Variants in STXBP5 observed in about 807,000 individuals in gnomAD.
STXBP5 encodes the protein syntaxin-binding protein 5.
STXBP5 carries 50 observed loss-of-function variants against 152.4 expected under a neutral mutation model. The ratio of observed to expected loss-of-function variants is 0.33; its 90% confidence interval spans 0.26 to 0.42. The LOEUF (loss-of-function observed/expected upper bound fraction) is 0.42. Among genes scored for constraint, STXBP5 ranks in the 10% least tolerant of loss-of-function variants. STXBP5 has a pLI of 1.00. For missense variants in STXBP5, 1,167 were observed against 1,388.6 expected, an observed-to-expected ratio of 0.84 and a Z score of 2.54; for synonymous variants, 492 against 494.7, an observed-to-expected ratio of 0.99 and a Z score of 0.07.
Position 147,262,320 on chromosome 6 carries a change from C to T in STXBP5, c.597C>T (p.Val199=). 1 of 1,555,268 alleles carries T rather than the reference C, an allele frequency of 6.4e-7. No individual in the cohort carries two copies. Among genetic ancestry groups the T allele is most frequent in the African/African-American group, 1.4e-5 (1 of 71,742 alleles). ...CTAAATCTCACCCAGGACCTGTGGT[C>T]CATATAAGTGATAATCCAATGGACG... ...LSSKSHPGPV[V]HISDNPMDEG... Residue 199 remains valine, a synonymous_variant, in exon 6 of 28, where the codon GTC becomes GTT. Coordinates refer to ENST00000321680, the MANE Select transcript of STXBP5 (RefSeq NM_001127715.4).
intron 4 of STXBP5, among the ~76,000 whole-genome samples, chr6:147,244,895 T>G (rs1778731610): frequency 2.0e-5 from 3 of 152,080 alleles, no homozygotes; most frequent in Non-Finnish European, 4.4e-5. Context: ...CTTTCAAAAT[T>G]ATCACTTTAT....
intron 2 of STXBP5, among the ~76,000 whole-genome samples, chr6:147,226,037 A>T (rs2115116134): frequency 6.6e-6 from 1 of 152,256 alleles, no homozygotes; most frequent in South Asian, 2.1e-4. Context: ...ACTGGAGCGG[A>T]CATGGTGGCT....
intron 26 of STXBP5, among the ~76,000 whole-genome samples, chr6:147,377,167 G>A (rs1174295849): frequency 3.3e-5 from 5 of 152,166 alleles, no homozygotes; most frequent in African/African-American, 1.2e-4. Context: ...TCACAGTGCA[G>A]TTATGCTTGT....
chr6:147,367,523 A>G (rs1446436510), intron 25 of STXBP5, among the ~76,000 whole-genome samples: 2 of 152,166 alleles, frequency 1.3e-5, no homozygotes, highest in African/African-American at 4.8e-5. Flanking sequence ...CTGTAGTCCC[A>G]GCTACTTGGG....
intron 23 of STXBP5, among the ~76,000 whole-genome samples, chr6:147,359,862 G>A (rs908381028): frequency 6.6e-6 from 1 of 151,810 alleles, no homozygotes; most frequent in Non-Finnish European, 1.5e-5. Flanking sequence ...GTCTATCATT[G>A]TTGGACATTT....
At chr6:147,266,519 C>T (rs1371195936) in intron 6 of STXBP5, among the ~76,000 whole-genome samples, 5 of 152,038 alleles carry the variant, frequency 3.3e-5, no homozygotes, top group South Asian at 4.2e-4. Flanking sequence ...GAATGAGCTC[C>T]GGGTTTCTAG....
intron 27 of STXBP5, among the ~76,000 whole-genome samples, chr6:147,384,164 G>A (rs1483691126): frequency 6.6e-6 from 1 of 152,132 alleles, no homozygotes; most frequent in Non-Finnish European, 1.5e-5. Flanking sequence ...ACAATCACAG[G>A]TTCTTGAATT....
At chr6:147,264,074 A>C (rs1779770101) in intron 6 of STXBP5, among the ~76,000 whole-genome samples, 1 of 151,086 alleles carries the variant, frequency 6.6e-6, no homozygotes, top group Non-Finnish European at 1.5e-5. Context: ...GGAGTAAATA[A>C]GTTATATATA....
At chr6:147,240,130 C>T (rs903503560) in intron 4 of STXBP5, among the ~76,000 whole-genome samples, 5 of 151,842 alleles carry the variant, frequency 3.3e-5, no homozygotes, top group African/African-American at 9.7e-5. Context: ...TTAGTAGAGA[C>T]GGGGTTTCGC....
In STXBP5 at chr6:147,310,529, G is replaced by GTGATTGAT. The variant is rs5880703; in HGVS notation, c.1072+321_1072+328dup. Among the ~76,000 whole-genome samples, 1,495 of 150,208 alleles carry GTGATTGAT rather than the reference G, an allele frequency of 1.0e-2. 14 individuals are homozygous for GTGATTGAT. The highest frequency in any genetic ancestry group is 0.037 in the East Asian group (188 of 5,044). ...GACGCACACACTCATAGGAGAGAAAGTGATTGATTGATTGATTGATTGATT... is the reference window on the plus strand; with the variant it reads ...GACGCACACACTCATAGGAGAGAAAGTGATTGATTGATTGATTGATTGATTGATTGATT... On this transcript the variant is annotated intron_variant, in intron 10 of 27. Coordinates refer to ENST00000321680, the MANE Select transcript of STXBP5 (RefSeq NM_001127715.4).
chr6:147,301,974 T>A (rs1287921143), intron 9 of STXBP5, among the ~76,000 whole-genome samples: 2 of 152,180 alleles, frequency 1.3e-5, no homozygotes, highest in Non-Finnish European at 2.9e-5. Flanking sequence ...GAAAATTATG[T>A]CTACTAGATT....
intron 18 of STXBP5, 100 bp from the exon 19 acceptor site, chr6:147,334,057 C>G (rs1373099973): frequency 2.6e-6 from 3 of 1,159,940 alleles, no homozygotes; most frequent in African/African-American, 1.5e-5. Flanking sequence ...TTATTGGGTT[C>G]TTTTAAATGG....
intron 26 of STXBP5, among the ~76,000 whole-genome samples, chr6:147,381,668 A>G (rs972091873): frequency 1.3e-5 from 2 of 152,178 alleles, no homozygotes; most frequent in African/African-American, 4.8e-5. Context: ...GCAAAATAAC[A>G]CCTTATCCAT....
intron 25 of STXBP5, among the ~76,000 whole-genome samples, chr6:147,368,359 A>C (rs980423592): frequency 3.3e-5 from 5 of 152,172 alleles, no homozygotes; most frequent in African/African-American, 7.2e-5. Flanking sequence ...GATTGACCTA[A>C]CGTTTGAAAA....
intron 9 of STXBP5, among the ~76,000 whole-genome samples, chr6:147,291,499 A>G (rs1336984682): frequency 6.6e-6 from 1 of 152,150 alleles, no homozygotes; most frequent in Non-Finnish European, 1.5e-5. Context: ...ATGAAGAAAA[A>G]AAGATTTAAA....
At chr6:147,230,146 A>G (rs1209386336) in intron 2 of STXBP5, among the ~76,000 whole-genome samples, 1 of 151,952 alleles carries the variant, frequency 6.6e-6, no homozygotes, top group African/African-American at 2.4e-5. Context: ...AACGTCGTGT[A>G]TGCCATTGAT....
intron 2 of STXBP5, among the ~76,000 whole-genome samples, chr6:147,209,793 CAGGG>C (rs1228518886): frequency 1.3e-5 from 2 of 151,974 alleles, no homozygotes; most frequent in Non-Finnish European, 1.5e-5. Context: ...TTCAGAATGA[CAGGG>C]AGGAAGGAGT....
intron 19 of STXBP5, among the ~76,000 whole-genome samples, chr6:147,335,282 T>C (rs1783768114): frequency 6.6e-6 from 1 of 152,202 alleles, no homozygotes; most frequent in African/African-American, 2.4e-5. Flanking sequence ...CTGTTTTCTG[T>C]CTCCTAGGAC....
At chr6:147,259,442 A>T (rs911329090) in intron 4 of STXBP5, among the ~76,000 whole-genome samples, 1 of 152,200 alleles carries the variant, frequency 6.6e-6, no homozygotes, top group Non-Finnish European at 1.5e-5. Flanking sequence ...GACCATTATC[A>T]TATAAAACAC....
Sources: allele counts gnomAD v4.1 joint callset (sites outside exome capture counted in the v4.1 genomes callset), GRCh38; gene constraint gnomAD v4.1.1; transcripts MANE v1.5; gene names NCBI Gene and HGNC (gene_info 2026-07-23, HGNC 2026-07-21).